Variants in PDS5A observed in about 807,000 individuals in gnomAD.
PDS5A encodes the protein PDS5 cohesin associated factor A.
PDS5A carries 42 observed loss-of-function variants against 167.1 expected under a neutral mutation model. That is an observed-to-expected ratio of 0.25 (90% CI 0.20 to 0.33). The LOEUF (loss-of-function observed/expected upper bound fraction) is 0.33, where lower values mean the gene tolerates loss of function less well. Ranked by LOEUF, PDS5A falls within the 10% of genes least tolerant of loss-of-function variation. The pLI, the probability that PDS5A is intolerant of heterozygous loss-of-function variation, is 1.00. For synonymous variants in PDS5A, 553 were observed against 554.6 expected, an observed-to-expected ratio of 1.00 and a Z score of 0.04; for missense variants, 1,033 against 1,605.9, an observed-to-expected ratio of 0.64 and a Z score of 6.10.
At chr4:39,943,513 G>A (rs1308475790) in intron 2 of PDS5A, among the ~76,000 whole-genome samples, 1 of 150,986 alleles carries the variant, frequency 6.6e-6, no homozygotes, top group Non-Finnish European at 1.5e-5. Flanking sequence ...GCCAGGTGCA[G>A]TGACTCACAC....
At position 39,901,266 on chromosome 4, in the gene PDS5A, C is replaced by CTTTTTTTT. The variant is rs772230554; in HGVS notation, c.1500-767_1500-760dup. ...ATGACAGTCTTTTTTTCTTTTCTTT[C>CTTTTTTTT]TTTTTTTTTTTTTTTTTTTTGAGAC... On this transcript the variant is annotated intron_variant, in intron 13 of 32. Coordinates refer to ENST00000303538, the MANE Select transcript of PDS5A (RefSeq NM_001100399.2). Among the ~76,000 whole-genome samples the CTTTTTTTT allele has an allele frequency of 6.6e-5, 8 of 121,286 alleles. 1 individual carries two copies. Among genetic ancestry groups the CTTTTTTTT allele is most frequent in the Admixed American group, 9.0e-5 (1 of 11,108 alleles). The allele number at this position is 121,286 out of a possible 152,430, so 79.6% of individuals were successfully genotyped here.
chr4:39,962,267 A>G (rs898102534), intron 2 of PDS5A, among the ~76,000 whole-genome samples: 3 of 151,682 alleles, frequency 2.0e-5, no homozygotes, highest in African/African-American at 4.8e-5. Context: ...TGTGTTAGCC[A>G]GGATGGTCTT....
At chr4:39,959,741 G>C (rs1295509597) in intron 2 of PDS5A, among the ~76,000 whole-genome samples, 1 of 152,054 alleles carries the variant, frequency 6.6e-6, no homozygotes, top group African/African-American at 2.4e-5. Flanking sequence ...GATCTCCTGA[G>C]GTCAGGAGTT....
chr4:39,915,396 A>G (rs974155142), intron 8 of PDS5A, among the ~76,000 whole-genome samples: 2 of 113,938 alleles, frequency 1.8e-5, no homozygotes, highest in Non-Finnish European at 3.4e-5. Context: ...GTGTGGCTCT[A>G]TCACCCAGGC....
chr4:39,859,837 C>A (rs1221385033), intron 26 of PDS5A, among the ~76,000 whole-genome samples: 2 of 152,210 alleles, frequency 1.3e-5, no homozygotes, highest in African/African-American at 2.4e-5. Context: ...CTGGGATGAA[C>A]TGGGGACAAA....
chr4:39,873,244 G>T, intron 20 of PDS5A, 100 bp from the exon 21 acceptor site: 1 of 598,612 alleles, frequency 1.7e-6, no homozygotes, highest in Non-Finnish European at 2.6e-6. Flanking sequence ...AATTTACCAT[G>T]CCCAAACCAA....
At chr4:39,900,290 T>C (rs1439269247) in intron 14 of PDS5A, 136 bp downstream of exon 14, 2 of 599,852 alleles carry the variant, frequency 3.3e-6, no homozygotes, top group African/African-American at 1.8e-5. Flanking sequence ...CTTGGACAAC[T>C]ACAGAAATTA....
chr4:39,917,435 T>C (rs1321220552), intron 7 of PDS5A, among the ~76,000 whole-genome samples: 2 of 152,144 alleles, frequency 1.3e-5, no homozygotes, highest in African/African-American at 4.8e-5. Flanking sequence ...AATTGGTTTG[T>C]TGGGTGTATT....
At chr4:39,918,260 T>TG (rs1203222189) in intron 7 of PDS5A, among the ~76,000 whole-genome samples, 2 of 152,020 alleles carry the variant, frequency 1.3e-5, no homozygotes, top group African/African-American at 4.8e-5. Flanking sequence ...AGGATTTTTT[T>TG]TTGTTGTTGG....
intron 2 of PDS5A, among the ~76,000 whole-genome samples, chr4:39,946,888 G>A (rs1386564841): frequency 6.6e-6 from 1 of 152,122 alleles, no homozygotes; most frequent in Non-Finnish European, 1.5e-5. Context: ...ACTCCAGCCT[G>A]GGCGTTGCAG....
At chr4:39,831,249 C>T (rs898315788) in intron 32 of PDS5A, among the ~76,000 whole-genome samples, 4 of 152,170 alleles carry the variant, frequency 2.6e-5, no homozygotes, top group Admixed American at 6.5e-5. Context: ...GAGGCGCGTG[C>T]GCCACCATGC....
Position 39,871,510 on chromosome 4 carries a change from G to T in PDS5A, c.2436+1476C>A, listed in dbSNP as rs575413202. On this transcript the variant is annotated intron_variant, in intron 21 of 32. Coordinates refer to ENST00000303538, the MANE Select transcript of PDS5A (RefSeq NM_001100399.2). ...TACAAATACAGAAGGGGCACTAGCA[G>T]GTGTCTTTAAGTTCCTGATACTGAG... Among the ~76,000 whole-genome samples the T allele has an allele frequency of 3.9e-5, 6 of 152,252 alleles. No individual in the cohort carries two copies. In the South Asian group the frequency reaches 1.2e-3, roughly 32 times the overall value.
intron 2 of PDS5A, among the ~76,000 whole-genome samples, chr4:39,930,246 A>ATT: frequency 4.3e-5 from 4 of 93,166 alleles, no homozygotes; most frequent in South Asian, 8.7e-4. Context: ...AAAAAAAAAA[A>ATT]GTTTTTTTGT....
intron 23 of PDS5A, among the ~76,000 whole-genome samples, chr4:39,865,824 G>A (rs1719396601): frequency 1.3e-5 from 2 of 152,178 alleles, no homozygotes; most frequent in African/African-American, 2.4e-5. Flanking sequence ...TTAAACCTCT[G>A]TCCTCTAAAA....
At chr4:39,898,923 G>A (rs559924846) in intron 14 of PDS5A, 98 bp from the exon 15 acceptor site, 3 of 762,828 alleles carry the variant, frequency 3.9e-6, no homozygotes, top group Admixed American at 2.5e-5. Context: ...TTTTCATGAC[G>A]TTAAAAAATA....
chr4:39,872,213 G>A (rs1484651148), intron 21 of PDS5A, among the ~76,000 whole-genome samples: 2 of 98,728 alleles, frequency 2.0e-5, no homozygotes, highest in South Asian at 6.5e-4. Context: ...TTTCGCTCTT[G>A]TTGTCCAGGC....
intron 8 of PDS5A, among the ~76,000 whole-genome samples, chr4:39,916,199 CAACAACAACAAAAAA>C (rs1236996149): frequency 2.8e-5 from 2 of 72,688 alleles, no homozygotes; most frequent in Non-Finnish European, 4.0e-5. Context: ...CTCAAAAAAA[CAACAACAACAAAAAA>C]AGAGACTGAG....
rs1322237156 is a variant in PDS5A, at chr4:39,844,774, C to T, written c.3430G>A (p.Val1144Ile). 5.0e-6 allele frequency: 8 copies of T among 1,612,490 alleles called. No individual in the cohort carries two copies. In the African/African-American group the frequency reaches 8.0e-5, roughly 16 times the overall value. Residue 1144 changes from valine to isoleucine, a missense_variant, in exon 30 of 33, where the codon GTA (valine) becomes ATA (isoleucine). Coordinates refer to ENST00000303538, the MANE Select transcript of PDS5A (RefSeq NM_001100399.2). ...CCCGTTGCTGATAAAGGCTTATTTA[C>T]TGCACCTAGTACTCCAGCAGGCTTT... ...KPKPAGVLGA[V>I]NKPLSATGRK...
At chr4:39,879,903 G>T in intron 17 of PDS5A, 70 bp from the exon 18 acceptor site, 1 of 900,256 alleles carries the variant, frequency 1.1e-6, no homozygotes, top group Non-Finnish European at 1.8e-6. Flanking sequence ...CACTGTGACA[G>T]AACATATATA....
Sources: allele counts gnomAD v4.1 joint callset (sites outside exome capture counted in the v4.1 genomes callset), GRCh38; gene constraint gnomAD v4.1.1; transcripts MANE v1.5; gene names NCBI Gene and HGNC (gene_info 2026-07-23, HGNC 2026-07-21).